SMARCD3: variants seen among roughly 807,000 people sequenced by gnomAD.
SMARCD3 encodes SWI/SNF related BAF chromatin remodeling complex subunit D3, also known as SWI/SNF-related matrix-associated actin-dependent regulator of chromatin subfamily D member 3.
A neutral mutation model predicts 58.0 loss-of-function variants in SMARCD3; 14 were observed. The ratio of observed to expected loss-of-function variants is 0.24; its 90% CI spans 0.16 to 0.38. The LOEUF (loss-of-function observed/expected upper bound fraction) is 0.38, where lower values mean the gene tolerates loss of function less well. Ranked by LOEUF, SMARCD3 falls within the 10% of genes least tolerant of loss-of-function variation. SMARCD3 has a pLI of 1.00. For missense variants in SMARCD3, 408 were observed against 636.9 expected, an observed-to-expected ratio of 0.64 and a Z score of 3.87; for synonymous variants, 253 against 253.8, an observed-to-expected ratio of 1.00 and a Z score of 0.03.
chr7:151,247,106 C>T (rs771031397), intron 1 of SMARCD3, among the ~76,000 whole-genome samples: 1 of 152,194 alleles, frequency 6.6e-6, no homozygotes, highest in African/African-American at 2.4e-5. Flanking sequence ...GCTTCCCTCA[C>T]CCCACCTGAC....
At chr7:151,273,166 C>T (rs553326256) in intron 2 of SMARCD3, among the ~76,000 whole-genome samples, 9 of 152,362 alleles carry the variant, frequency 5.9e-5, no homozygotes, top group South Asian at 2.1e-4. Context: ...GCCAAACTTC[C>T]ACCACCTTGT....
chr7:151,246,493 A>G lies in SMARCD3; in HGVS notation c.79-822T>C, dbSNP rs1803273447. On this transcript the variant is annotated intron_variant, in intron 1 of 12. Transcript: ENST00000262188. This position sits in a 1 kb window ranked among gnomAD's most constrained non-coding sequence, Gnocchi z 4.4. ...AGGATTCTCTGATTGGGAGGAGGGGAACTGCGTTAGAGGTGGGCTGCCCAG... is the reference window on the plus strand; with the variant it reads ...AGGATTCTCTGATTGGGAGGAGGGGGACTGCGTTAGAGGTGGGCTGCCCAG... 1.3e-5 allele frequency among the ~76,000 whole-genome samples: 2 copies of G among 151,808 alleles called. No homozygotes were observed. Among genetic ancestry groups the G allele is most frequent in the South Asian group, 4.2e-4 (2 of 4,810 alleles).
Position 151,245,679 on chromosome 7 carries a change from T to TGGGGGG in SMARCD3, c.79-9_79-8insCCCCCC. On this transcript the variant is annotated splice_polypyrimidine_tract_variant and intron_variant, in intron 1 of 12. Transcript: ENST00000262188. The surrounding 1 kb of genome is among the most constrained non-coding windows in gnomAD (Gnocchi z 6.2). ...AGACGGCATCCCGGGGCGCTGGGGG[T>TGGGGGG]GGGCGGGGGTGAAGCAGAAACGGGC... 7.0e-6 allele frequency: 3 copies of TGGGGGG among 429,124 alleles called. No homozygotes were observed. The highest frequency in any genetic ancestry group is 1.1e-4 in the South Asian group (1 of 8,976). The allele number at this position is 429,124 out of a possible 1,614,324, so 26.6% of individuals were successfully genotyped here.
chr7:151,240,571 C>T, intron 8 of SMARCD3, 49 bp from the exon 9 acceptor site: 2 of 1,340,042 alleles, frequency 1.5e-6, no homozygotes, highest in Non-Finnish European at 2.1e-6. Flanking sequence ...TTGAAGAGAT[C>T]ATCATGCAGT....
At chr7:151,265,443 A>C (rs1804050569) in intron 2 of SMARCD3, among the ~76,000 whole-genome samples, 1 of 152,238 alleles carries the variant, frequency 6.6e-6, no homozygotes, top group South Asian at 2.1e-4. Context: ...CACTGGGACC[A>C]GGAATCTCTG....
At chr7:151,276,296 A>T (rs2150621513) in intron 1 of SMARCD3, among the ~76,000 whole-genome samples, 1 of 142,896 alleles carries the variant, frequency 7.0e-6, no homozygotes, top group African/African-American at 2.6e-5. Flanking sequence ...GAGGGAGAGG[A>T]TGCCAGGCAG....
chr7:151,255,054 C>G (rs1215142708), intron 2 of SMARCD3, among the ~76,000 whole-genome samples: 1 of 152,154 alleles, frequency 6.6e-6, no homozygotes, highest in African/African-American at 2.4e-5. Context: ...ACCTTCCACT[C>G]TGCACCACGG....
Position 151,241,949 on chromosome 7 carries a change from C to T in SMARCD3, c.705G>A (p.Thr235=), listed in dbSNP as rs140296892. ...EWHRTPTTQE[T]DGFQVKRPGD... ...CAGGCCGTTTCACCTGGAAGCCGTCCGTCTCCTGGGTCGTGGGTGTCCGAT... is the reference window on the plus strand; with the variant it reads ...CAGGCCGTTTCACCTGGAAGCCGTCTGTCTCCTGGGTCGTGGGTGTCCGAT... Residue 235 remains threonine (T), a synonymous_variant, in exon 7 of 13, where the codon ACG becomes ACA. Coordinates refer to ENST00000262188, the MANE Select transcript of SMARCD3 (RefSeq NM_001003801.2). This position sits in a 1 kb window ranked among gnomAD's most constrained non-coding sequence, Gnocchi z 5.3. The T allele has an allele frequency of 7.0e-5, 113 of 1,612,458 alleles. No individual in the cohort carries two copies. The African/African-American group carries it at 8.4e-4, about 12-fold the overall frequency.
rs1803219104 is a variant in SMARCD3, at chr7:151,245,584, C to G, written c.166G>C (p.Val56Leu). The change falls in exon 2 of 13, where the codon GTG (valine) becomes CTG (leucine). Residue 56 changes from valine (V) to leucine (L), a missense_variant. Physicochemically the swap from Val to Leu is conservative, Grantham distance 32. Around this residue, in one of 4 missense-constraint regions of SMARCD3, gnomAD observed 84 missense variants for 81.2 expected, o/e 1.03. Transcript: ENST00000262188. This position sits in a 1 kb window ranked among gnomAD's most constrained non-coding sequence, Gnocchi z 6.2. ...PGSPYMGSPA[V>L]RPGLAPAGME... ...CCCGCGGGGGCCAGGCCGGGTCGCA[C>G]GGCGGGGCTGCCCATGTACGGGGAG... 8.6e-7 allele frequency: 1 copy of G among 1,164,736 alleles called. No individual in the cohort carries two copies. Among genetic ancestry groups the G allele is most frequent in the Non-Finnish European group, 1.1e-6 (1 of 928,164 alleles). The allele number at this position is 1,164,736 out of a possible 1,614,324, so 72.2% of individuals were successfully genotyped here. A position where few individuals can be genotyped will look rare whatever the true frequency, so the allele number is the denominator to read the frequency against.
chr7:151,239,736 G>A lies in SMARCD3; in HGVS notation c.1184C>T (p.Thr395Met), dbSNP rs1382355300. Residue 395 changes from threonine (T) to methionine (M), a missense_variant, in exon 11 of 13, where the codon ACG becomes ATG. Thr to Met is a moderately conservative substitution (Grantham distance 81). This residue lies in a region of SMARCD3 where 115 missense variants were observed against 257.2 expected (regional missense o/e 0.45). Coordinates refer to ENST00000262188, the MANE Select transcript of SMARCD3 (RefSeq NM_001003801.2). The surrounding 1 kb of genome is among the most constrained non-coding windows in gnomAD (Gnocchi z 7.0). ...ISALDSKIHE[T>M]IESINQLKIQ... is the part of the protein sequence containing the mutation. ...CTTGAGCTGGTTTATGGACTCAATC[G>A]TCTCATGGATCTGCAGGTAGAAAGA... The A allele has an allele frequency of 4.3e-6, 7 of 1,613,616 alleles. No individual in the cohort carries two copies. The highest frequency in any genetic ancestry group is 1.7e-5 in the Admixed American group (1 of 59,980).
upstream of SMARCD3, among the ~76,000 whole-genome samples, chr7:151,252,025 C>T (rs1377366777): frequency 2.6e-5 from 4 of 151,772 alleles, no homozygotes; most frequent in East Asian, 7.8e-4. Context: ...GGCCCAGCTG[C>T]AGGACTCCGC....
rs1461737202 is a variant in SMARCD3 at position 151,275,116 on chromosome 7, G to A, written c.37C>T (p.Gln13Ter). 6.2e-7 allele frequency: 1 copy of A among 1,611,806 alleles called. No homozygotes were observed. Among genetic ancestry groups the A allele is most frequent in the Non-Finnish European group, 8.5e-7 (1 of 1,179,258 alleles). ...CTGGCAGGGGAGGAAGCACCTACCT[G>A]TACCACGGTGGGTGGGTGCTGAAGA... The change falls in exon 2 of 14, where the codon CAG becomes TAG. Residue 13 changes from glutamine to a stop codon, truncating the protein, a stop_gained and splice_region_variant. Coordinates refer to the SMARCD3 transcript ENST00000356800. LOFTEE classifies it high-confidence loss of function.
chr7:151,250,610 C>G (rs1281178986), upstream of SMARCD3, among the ~76,000 whole-genome samples: 1 of 151,890 alleles, frequency 6.6e-6, no homozygotes, highest in African/African-American at 2.4e-5. Flanking sequence ...CTCCAGGAAG[C>G]CTTCCTTCGT....
intron 8 of SMARCD3, chr7:151,240,769 A>G: frequency 3.9e-6 from 2 of 519,068 alleles, no homozygotes; most frequent in Non-Finnish European, 6.9e-6. Context: ...CTGCTTATGT[A>G]TCAGTCCTGC....
rs373810360 is a variant in SMARCD3 at position 151,242,116 on chromosome 7, C to T, written c.675+21G>A. 1.9e-5 allele frequency: 31 copies of T among 1,590,048 alleles called. No individual in the cohort carries two copies. Among genetic ancestry groups the T allele is most frequent in the African/African-American group, 1.6e-4 (12 of 74,376 alleles). On this transcript the variant is annotated intron_variant, in intron 6 of 12. Coordinates refer to ENST00000262188, the MANE Select transcript of SMARCD3 (RefSeq NM_001003801.2). The surrounding 1 kb of genome is among the most constrained non-coding windows in gnomAD (Gnocchi z 4.7). ...CTGTGGGAGGGTGGCAATTCAAGGG[C>T]GGAGGGGCTCTTGGTCTTACCTCAA...
rs761480200 is a variant in SMARCD3 at position 151,245,996 on chromosome 7, T to C, written c.79-325A>G. 4.8e-6 allele frequency: 1 copy of C among 210,376 alleles called. No homozygotes were observed. The highest frequency in any genetic ancestry group is 9.4e-6 in the Non-Finnish European group (1 of 106,136). 13.0% of individuals were successfully genotyped at this position (210,376 alleles called of 1,614,324 possible). A position where few individuals can be genotyped will look rare whatever the true frequency, so the allele number is the denominator to read the frequency against. On this transcript the variant is annotated intron_variant, in intron 1 of 12. Coordinates refer to ENST00000262188, the MANE Select transcript of SMARCD3 (RefSeq NM_001003801.2). This position sits in a 1 kb window ranked among gnomAD's most constrained non-coding sequence, Gnocchi z 6.2. ...TTTCAACCTTTCAAAGATGTTCACA[T>C]CCACATGCTCCTCTGCAAGACAGCC...
At chr7:151,258,757 C>G (rs570462408) in intron 2 of SMARCD3, among the ~76,000 whole-genome samples, 36 of 152,074 alleles carry the variant, frequency 2.4e-4, no homozygotes, top group Admixed American at 4.6e-4. Context: ...GCCACCTTCT[C>G]TCTGCCCTGG....
intron 2 of SMARCD3, among the ~76,000 whole-genome samples, chr7:151,270,249 G>A (rs1326359121): frequency 3.9e-5 from 6 of 152,162 alleles, no homozygotes; most frequent in Non-Finnish European, 8.8e-5. Context: ...AGGGAGACGC[G>A]GGGCACAGGG....
At position 151,263,805 on chromosome 7, in the gene SMARCD3, A is replaced by T. The variant is rs143723577; in HGVS notation, c.39+11309T>A. Among the ~76,000 whole-genome samples, 11 of 152,240 alleles carry T rather than the reference A, an allele frequency of 7.2e-5. No individual in the cohort carries two copies. In the East Asian group the frequency reaches 1.9e-3, roughly 27 times the overall value. On this transcript the variant is annotated intron_variant, in intron 2 of 13. Coordinates refer to the SMARCD3 transcript ENST00000356800. ...TACGGCATGGCCAGAGTGATCTTTTAAAAAATGCAATGAGGACCATAGTAC... is the reference window on the plus strand; with the variant it reads ...TACGGCATGGCCAGAGTGATCTTTTTAAAAATGCAATGAGGACCATAGTAC...
Sources: gnomAD v4.1 joint callset for allele counts (sites outside exome capture counted in the v4.1 genomes callset) on GRCh38, gnomAD v4.1.1 for gene constraint, gnomAD v4.1.1 regional missense constraint, Gnocchi (gnomAD v3.1) non-coding constraint, MANE v1.5 for transcripts, NCBI Gene and HGNC (gene_info 2026-07-23, HGNC 2026-07-21) for gene names.